Variants in ERC2 observed in about 807,000 individuals in gnomAD.
ERC2 encodes the protein ERC protein 2.
Under a neutral mutation model 114.8 loss-of-function variants are expected in ERC2, and 42 were observed. That is an observed-to-expected ratio of 0.37 (90% confidence interval 0.29 to 0.47). ERC2 has a LOEUF of 0.47. Ranked by LOEUF, ERC2 falls within the 20% of genes least tolerant of loss-of-function variation. ERC2 has a pLI of 0.99. For synonymous variants in ERC2, 454 were observed against 425.5 expected (o/e 1.07, Z -0.82); for missense variants, 939 against 1,150.7 (o/e 0.82, Z 2.66).
chr3:56,435,349 T>C (rs2061970293), intron 1 of ERC2, among the ~76,000 whole-genome samples: 1 of 152,188 alleles, frequency 6.6e-6, no homozygotes, highest in South Asian at 2.1e-4. Flanking sequence ...GTGAAAGTTT[T>C]ACAAATTCCC....
At chr3:56,343,365 C>A (rs913392943) in intron 2 of ERC2, among the ~76,000 whole-genome samples, 2 of 151,850 alleles carry the variant, frequency 1.3e-5, no homozygotes, top group East Asian at 3.9e-4. Flanking sequence ...AGCACTTAAT[C>A]GATAATTATC....
intron 17 of ERC2, among the ~76,000 whole-genome samples, chr3:55,620,352 G>A (rs1158721136): frequency 4.6e-5 from 7 of 152,182 alleles, no homozygotes; most frequent in African/African-American, 1.7e-4. Context: ...CTTGAAAGAT[G>A]TGTGGGGTTT....
At chr3:56,429,617 T>C (rs1366840185) in intron 2 of ERC2, among the ~76,000 whole-genome samples, 1 of 152,230 alleles carries the variant, frequency 6.6e-6, no homozygotes. Flanking sequence ...AACAAGCACA[T>C]GATTCTAAAT....
chr3:56,332,169 A>AC (rs2057653766), intron 2 of ERC2, among the ~76,000 whole-genome samples: 2 of 146,600 alleles, frequency 1.4e-5, no homozygotes, highest in Middle Eastern at 3.5e-3. Context: ...CACACACACA[A>AC]GAGATTTCAA....
chr3:56,205,453 A>G (rs1407975705), intron 3 of ERC2, among the ~76,000 whole-genome samples: 1 of 152,172 alleles, frequency 6.6e-6, no homozygotes, highest in Non-Finnish European at 1.5e-5. Flanking sequence ...GCATCTGATT[A>G]ATGTCTGTCC....
intron 2 of ERC2, among the ~76,000 whole-genome samples, chr3:56,314,106 AAGATCTCTGACT>A (rs1460971309): frequency 3.9e-5 from 6 of 152,208 alleles, no homozygotes; most frequent in African/African-American, 1.4e-4. Context: ...ATCCCAAATT[AAGATCTCTGACT>A]ATGACATCAG....
At chr3:56,388,650 T>G (rs565582960) in intron 2 of ERC2, among the ~76,000 whole-genome samples, 1 of 152,198 alleles carries the variant, frequency 6.6e-6, no homozygotes, top group Non-Finnish European at 1.5e-5. Flanking sequence ...ACACCTCTTC[T>G]CAGAGGCCTT....
intron 14 of ERC2, among the ~76,000 whole-genome samples, chr3:55,882,276 G>GT (rs2063150991): frequency 6.6e-6 from 1 of 152,116 alleles, no homozygotes; most frequent in Non-Finnish European, 1.5e-5. Context: ...CCCTTCTGCC[G>GT]TAAGTGGAAG....
chr3:56,060,150 C>A (rs927587820), intron 7 of ERC2, among the ~76,000 whole-genome samples: 1 of 152,276 alleles, frequency 6.6e-6, no homozygotes, highest in East Asian at 1.9e-4. Flanking sequence ...ACACTGGGAA[C>A]GTCTTATGTA....
chr3:55,796,140 CG>C (rs2070459301), intron 14 of ERC2, among the ~76,000 whole-genome samples: 1 of 152,124 alleles, frequency 6.6e-6, no homozygotes. Context: ...TAAATTATAC[CG>C]GCAAGGCTAT....
At chr3:56,343,192 TCA>T (rs61632315) in intron 2 of ERC2, among the ~76,000 whole-genome samples, 1 of 126,130 alleles carries the variant, frequency 7.9e-6, no homozygotes, top group Admixed American at 8.4e-5. Context: ...TCTCTCTCTC[TCA>T]CACACACACA....
chr3:55,715,307 T>A (rs1184409715), intron 15 of ERC2, among the ~76,000 whole-genome samples: 1 of 152,192 alleles, frequency 6.6e-6, no homozygotes, highest in African/African-American at 2.4e-5. Context: ...ACTGTCTATC[T>A]GAATGTCACA....
intron 1 of ERC2, among the ~76,000 whole-genome samples, chr3:56,444,660 A>G (rs943974426): frequency 1.3e-5 from 2 of 152,170 alleles, no homozygotes; most frequent in Non-Finnish European, 2.9e-5. Flanking sequence ...TAACTCAAGT[A>G]TCTCAGACTA....
At chr3:56,153,474 T>A (rs2081538021) in intron 4 of ERC2, among the ~76,000 whole-genome samples, 1 of 152,186 alleles carries the variant, frequency 6.6e-6, no homozygotes. Context: ...GGGCCAAGAC[T>A]GACCAATGCA....
intron 14 of ERC2, among the ~76,000 whole-genome samples, chr3:55,755,080 C>G (rs2066963683): frequency 6.8e-6 from 1 of 146,812 alleles, no homozygotes; most frequent in South Asian, 2.2e-4. Context: ...GGCTATTCAT[C>G]TTCTTTTTTT....
chr3:55,718,760 A>T (rs2064274864), intron 15 of ERC2, among the ~76,000 whole-genome samples: 2 of 152,220 alleles, frequency 1.3e-5, no homozygotes, highest in African/African-American at 4.8e-5. Context: ...TCAGAGAGAA[A>T]TCTTAGGTTT....
chr3:56,278,456 G>A (rs2054150141), intron 3 of ERC2, among the ~76,000 whole-genome samples: 1 of 152,178 alleles, frequency 6.6e-6, no homozygotes, highest in Non-Finnish European at 1.5e-5. Context: ...GGACACTAGG[G>A]AGAAATAACA....
In ERC2 at chr3:55,939,584, T is replaced by C. The variant is rs1269624103; in HGVS notation, c.2403+10841A>G. On this transcript the variant is annotated intron_variant, in intron 13 of 17. Transcript: ENST00000288221. ...AACCCCTTTTCCTTATAGTATTCCA[T>C]AGAACCATCACTCTGATAAACATGT... Among the ~76,000 whole-genome samples the C allele has an allele frequency of 2.6e-5, 4 of 152,240 alleles. No homozygotes were observed. In the East Asian group the frequency reaches 5.8e-4, roughly 22 times the overall value.
At chr3:55,796,011 T>A (rs1461093688) in intron 14 of ERC2, among the ~76,000 whole-genome samples, 1 of 152,178 alleles carries the variant, frequency 6.6e-6, no homozygotes. Context: ...CATAGTTACA[T>A]ATTTTGAGAA....
Sources: allele counts gnomAD v4.1 joint callset (sites outside exome capture counted in the v4.1 genomes callset), GRCh38; gene constraint gnomAD v4.1.1; transcripts MANE v1.5; gene names NCBI Gene and HGNC (gene_info 2026-07-23, HGNC 2026-07-21).